The following PCDH9 variants were observed in gnomAD, a reference collection of about 807,000 sequenced individuals.
The protein encoded by PCDH9 is protocadherin-9.
Under a neutral mutation model 70.6 loss-of-function variants are expected in PCDH9, and 24 were observed. That is an observed-to-expected ratio of 0.34 (90% CI 0.25 to 0.48). PCDH9 has a LOEUF of 0.48. Among genes scored for constraint, PCDH9 ranks in the 20% least tolerant of loss-of-function variants. The probability of loss-of-function intolerance (pLI) is 0.99; values close to 1 mark genes in which losing one functional copy is unlikely to be tolerated. For synonymous variants in PCDH9, 562 were observed against 558.5 expected (o/e 1.01, Z -0.09); for missense variants, 1,281 against 1,503.6 (o/e 0.85, Z 2.45).
chr13:66,562,908 T>C (rs995364620), intron 4 of PCDH9, among the ~76,000 whole-genome samples: 1 of 152,204 alleles, frequency 6.6e-6, no homozygotes, highest in Admixed American at 6.5e-5. Context: ...TATATGCATG[T>C]GTATGTTTGT....
intron 2 of PCDH9, among the ~76,000 whole-genome samples, chr13:67,144,385 G>A (rs1252012185): frequency 6.6e-6 from 1 of 152,128 alleles, no homozygotes; most frequent in Non-Finnish European, 1.5e-5. Flanking sequence ...GAGGCTTGCT[G>A]TACAAAATAT....
At chr13:66,437,585 A>C (rs1347890358) in intron 4 of PCDH9, among the ~76,000 whole-genome samples, 1 of 152,020 alleles carries the variant, frequency 6.6e-6, no homozygotes, top group Non-Finnish European at 1.5e-5. Flanking sequence ...ATATAAATAA[A>C]ATTACAATGA....
intron 2 of PCDH9, among the ~76,000 whole-genome samples, chr13:67,013,374 A>G (rs2084491651): frequency 6.6e-6 from 1 of 151,786 alleles, no homozygotes; most frequent in Non-Finnish European, 1.5e-5. Flanking sequence ...TATGACATAA[A>G]CATTTTATCC....
chr13:67,029,836 C>T (rs1378427681), intron 2 of PCDH9, among the ~76,000 whole-genome samples: 1 of 152,010 alleles, frequency 6.6e-6, no homozygotes, highest in Non-Finnish European at 1.5e-5. Flanking sequence ...TCATCTTTTC[C>T]AGGTAAATTT....
chr13:67,133,356 A>G (rs2087152676), intron 2 of PCDH9, among the ~76,000 whole-genome samples: 1 of 152,114 alleles, frequency 6.6e-6, no homozygotes, highest in South Asian at 2.1e-4. Context: ...TTTATAACTG[A>G]GGCCCCATAA....
intron 3 of PCDH9, among the ~76,000 whole-genome samples, chr13:66,637,642 A>C (rs2077655931): frequency 2.0e-5 from 3 of 152,148 alleles, no homozygotes; most frequent in African/African-American, 7.2e-5. Context: ...GGCCAGGCAC[A>C]GTGGCTGACG....
chr13:66,940,320 A>G lies in PCDH9; in HGVS notation c.3037-36715T>C, dbSNP rs12585136. Among the ~76,000 whole-genome samples the G allele has an allele frequency of 5.4e-4, 82 of 152,216 alleles. 1 individual carries two copies. The East Asian group carries it at 0.014, about 26-fold the overall frequency. Reference sequence around the variant, plus strand: ...TTTTGTCAGCTGAGTTCTTATTCACAATCACCCTGCAGTGTAATATTTTGT... The same window carrying G: ...TTTTGTCAGCTGAGTTCTTATTCACGATCACCCTGCAGTGTAATATTTTGT... On this transcript the variant is annotated intron_variant, in intron 2 of 4. Coordinates refer to ENST00000377865, the MANE Select transcript of PCDH9 (RefSeq NM_203487.3).
chr13:67,113,547 A>G (rs1322560378), intron 2 of PCDH9, among the ~76,000 whole-genome samples: 1 of 151,974 alleles, frequency 6.6e-6, no homozygotes, highest in African/African-American at 2.4e-5. Context: ...ATTCATTGCC[A>G]AATCATGTTT....
At chr13:66,855,061 A>T (rs1303269812) in intron 3 of PCDH9, among the ~76,000 whole-genome samples, 1 of 152,118 alleles carries the variant, frequency 6.6e-6, no homozygotes, top group Non-Finnish European at 1.5e-5. Flanking sequence ...ACAGAGTTTG[A>T]AAATTTAGGT....
At chr13:67,074,032 CTAT>C (rs2085822764) in intron 2 of PCDH9, among the ~76,000 whole-genome samples, 2 of 103,338 alleles carry the variant, frequency 1.9e-5, no homozygotes, top group South Asian at 7.4e-4. Context: ...AGATGAAATT[CTAT>C]CTATCTATCT....
intron 4 of PCDH9, among the ~76,000 whole-genome samples, chr13:66,382,195 C>T (rs1292735431): frequency 6.6e-6 from 1 of 152,180 alleles, no homozygotes; most frequent in East Asian, 1.9e-4. Context: ...AACTTTTCAT[C>T]TTCTAAATTC....
At chr13:66,805,454 G>T (rs1207547579) in intron 3 of PCDH9, among the ~76,000 whole-genome samples, 5 of 152,090 alleles carry the variant, frequency 3.3e-5, no homozygotes, top group Non-Finnish European at 5.9e-5. Context: ...ACTAAAATAG[G>T]TAAAAATAAA....
intron 4 of PCDH9, among the ~76,000 whole-genome samples, chr13:66,565,840 C>T (rs1443621754): frequency 6.6e-6 from 1 of 152,146 alleles, no homozygotes; most frequent in East Asian, 1.9e-4. Context: ...ATTGTTTTAA[C>T]ATCTCTCTCC....
At chr13:67,013,264 A>AACACACAC (rs111347560) in intron 2 of PCDH9, among the ~76,000 whole-genome samples, 3,691 of 144,444 alleles carry the variant, frequency 0.026, 73 homozygotes, top group African/African-American at 0.057. Context: ...TTTTTAATGT[A>AACACACAC]ACACACACAC....
At chr13:66,415,867 T>C (rs1434409218) in intron 4 of PCDH9, among the ~76,000 whole-genome samples, 1 of 151,950 alleles carries the variant, frequency 6.6e-6, no homozygotes, top group Non-Finnish European at 1.5e-5. Context: ...TACTAGGAGG[T>C]TGCAAAGTAA....
At chr13:66,892,601 AG>A (rs1216428893) in intron 3 of PCDH9, among the ~76,000 whole-genome samples, 1 of 152,048 alleles carries the variant, frequency 6.6e-6, no homozygotes, top group Non-Finnish European at 1.5e-5. Flanking sequence ...AATGGAAAAA[AG>A]TAAGATATCA....
chr13:66,545,510 AG>A (rs907656736), intron 4 of PCDH9, among the ~76,000 whole-genome samples: 10 of 152,220 alleles, frequency 6.6e-5, no homozygotes, highest in Non-Finnish European at 1.2e-4. Context: ...TGTCATACAC[AG>A]TAATGTGCCA....
In PCDH9 at chr13:66,705,358, C is replaced by T. The variant is rs541573009; in HGVS notation, c.3139-73947G>A. On this transcript the variant is annotated intron_variant, in intron 3 of 4. Coordinates refer to ENST00000377865, the MANE Select transcript of PCDH9 (RefSeq NM_203487.3). ...GATTTGTCTTTATGCTGGCATTAAT[C>T]AAATTTGGATGCTAACACATTTTTC... Among the ~76,000 whole-genome samples, 5 of 152,254 alleles carry T rather than the reference C, an allele frequency of 3.3e-5. No individual in the cohort carries two copies. The South Asian group carries it at 1.0e-3, about 32-fold the overall frequency.
intron 3 of PCDH9, among the ~76,000 whole-genome samples, chr13:66,708,749 A>G (rs2139124766): frequency 6.6e-6 from 1 of 152,308 alleles, no homozygotes; most frequent in Admixed American, 6.5e-5. Flanking sequence ...CAAATTTGCA[A>G]TTAAATCACT....
Sources: gnomAD v4.1 joint callset for allele counts (sites outside exome capture counted in the v4.1 genomes callset) on GRCh38, gnomAD v4.1.1 for gene constraint, MANE v1.5 for transcripts, NCBI Gene and HGNC (gene_info 2026-07-23, HGNC 2026-07-21) for gene names.